CPHXL2: variants seen among roughly 807,000 people sequenced by gnomAD.
CPHXL2 encodes cytoplasmic polyadenylated homeobox-like protein 2.
At chr16:75,672,642 G>A in the CPHXL2 span, among the ~76,000 whole-genome samples, 3 of 152,020 alleles carry the variant, frequency 2.0e-5, no homozygotes, top group East Asian at 1.9e-4. Context: ...CTTGCAATAC[G>A]CCCGGATAAT....
chr16:75,668,745 T>C, the CPHXL2 span, among the ~76,000 whole-genome samples: 1 of 152,196 alleles, frequency 6.6e-6, no homozygotes, highest in Non-Finnish European at 1.5e-5. Flanking sequence ...TTCTGTATTG[T>C]TTTAAAATTT....
At chr16:75,660,957 G>A in the CPHXL2 span, 1 of 398,694 alleles carries the variant, frequency 2.5e-6, no homozygotes, top group East Asian at 3.6e-5. Context: ...AGAGCACATG[G>A]AGCCCACCTG....
the CPHXL2 span, among the ~76,000 whole-genome samples, chr16:75,664,848 C>T: frequency 1.3e-5 from 2 of 152,142 alleles, no homozygotes; most frequent in Admixed American, 6.6e-5. Context: ...CTAGTACCCT[C>T]AGCCACCTTG....
the CPHXL2 span, among the ~76,000 whole-genome samples, chr16:75,664,256 G>A: frequency 6.6e-6 from 1 of 152,204 alleles, no homozygotes; most frequent in Admixed American, 6.5e-5. Flanking sequence ...CTGAAGCTGT[G>A]TCACAGGCAT....
the CPHXL2 span, among the ~76,000 whole-genome samples, chr16:75,675,657 A>T: frequency 1.3e-5 from 2 of 152,210 alleles, no homozygotes; most frequent in Non-Finnish European, 2.9e-5. Flanking sequence ...GATAGAGCTC[A>T]TTCCTATCAA....
the CPHXL2 span, among the ~76,000 whole-genome samples, chr16:75,661,916 A>G: frequency 2.0e-5 from 3 of 152,326 alleles, no homozygotes; most frequent in African/African-American, 7.2e-5. Flanking sequence ...CAAGGCAAGC[A>G]ATCAGTTCTG....
At chr16:75,676,533 G>T in the CPHXL2 span, among the ~76,000 whole-genome samples, 1 of 152,064 alleles carries the variant, frequency 6.6e-6, no homozygotes, top group Non-Finnish European at 1.5e-5. Flanking sequence ...TGTTGCCTAG[G>T]CTTGTCTCAA....
At chr16:75,676,100 C>CA in the CPHXL2 span, among the ~76,000 whole-genome samples, 1 of 151,746 alleles carries the variant, frequency 6.6e-6, no homozygotes, top group Non-Finnish European at 1.5e-5. Context: ...AAGAAAAATA[C>CA]AAAACACACA....
At chr16:75,660,550 TCATC>T in the CPHXL2 span, 1 of 398,628 alleles carries the variant, frequency 2.5e-6, no homozygotes, top group Non-Finnish European at 4.4e-6. Flanking sequence ...TCCTGCAACA[TCATC>T]CCCTCTGAGT....
chr16:75,676,352 C>T, the CPHXL2 span, among the ~76,000 whole-genome samples: 9 of 152,194 alleles, frequency 5.9e-5, no homozygotes, highest in African/African-American at 2.2e-4. Context: ...GAGACAAGGC[C>T]TCACTCTGTC....
At chr16:75,662,255 A>G in the CPHXL2 span, among the ~76,000 whole-genome samples, 1 of 145,000 alleles carries the variant, frequency 6.9e-6, no homozygotes, top group East Asian at 2.0e-4. Flanking sequence ...TGGACAAGCC[A>G]CCCTCCAGGA....
At chr16:75,662,890 C>G in the CPHXL2 span, among the ~76,000 whole-genome samples, 4 of 151,728 alleles carry the variant, frequency 2.6e-5, no homozygotes, top group African/African-American at 9.7e-5. Context: ...GCTCCGCCTC[C>G]CAGGTTCATG....
At chr16:75,669,210 G>C in the CPHXL2 span, among the ~76,000 whole-genome samples, 1 of 152,028 alleles carries the variant, frequency 6.6e-6, no homozygotes, top group Admixed American at 6.6e-5. Flanking sequence ...ACTAAATGGG[G>C]AGCGCTGAGG....
the CPHXL2 span, among the ~76,000 whole-genome samples, chr16:75,674,157 A>T: frequency 6.6e-6 from 1 of 151,782 alleles, no homozygotes; most frequent in African/African-American, 2.4e-5. Context: ...GTGGATCAAG[A>T]GGTCAGGAGA....
chr16:75,674,233 T>TGG, the CPHXL2 span, among the ~76,000 whole-genome samples: 1 of 150,286 alleles, frequency 6.7e-6, no homozygotes, highest in African/African-American at 2.4e-5. Context: ...ATTAGCCGGG[T>TGG]GTGGTGGCAG....
the CPHXL2 span, among the ~76,000 whole-genome samples, chr16:75,670,202 C>T: frequency 3.9e-5 from 6 of 152,202 alleles, no homozygotes; most frequent in African/African-American, 1.4e-4. Context: ...GGGTGAGCCA[C>T]CGCGCCGGCT....
the CPHXL2 span, among the ~76,000 whole-genome samples, chr16:75,670,204 G>A: frequency 8.2e-4 from 125 of 152,212 alleles, no homozygotes; most frequent in South Asian, 7.5e-3. Flanking sequence ...GTGAGCCACC[G>A]CGCCGGCTGA....
the CPHXL2 span, among the ~76,000 whole-genome samples, chr16:75,661,561 TCTC>T: frequency 9.9e-5 from 15 of 151,884 alleles, no homozygotes; most frequent in East Asian, 5.8e-4. Flanking sequence ...TATGCAATCT[TCTC>T]CTGCTTGCTC....
the CPHXL2 span, among the ~76,000 whole-genome samples, chr16:75,662,796 C>CT: frequency 0.031 from 3,860 of 123,112 alleles, 99 homozygotes; most frequent in Non-Finnish European, 0.043. Context: ...GGAGATAATT[C>CT]TTTTTTTTTT....
Sources: gnomAD v4.1 joint callset for allele counts (sites outside exome capture counted in the v4.1 genomes callset) on GRCh38, gnomAD v4.1.1 for gene constraint, MANE v1.5 for transcripts, NCBI Gene and HGNC (gene_info 2026-07-23, HGNC 2026-07-21) for gene names.